Variants in BLTP1 observed in about 807,000 individuals in gnomAD.
BLTP1 encodes fragile site-associated protein.
chr4:122,263,420 C>T, the BLTP1 span: 3 of 1,568,940 alleles, frequency 1.9e-6, no homozygotes, highest in Non-Finnish European at 1.7e-6. Flanking sequence ...TAATATTATA[C>T]TCAGAAACAT....
the BLTP1 span, chr4:122,254,419 T>A: frequency 7.3e-7 from 1 of 1,378,148 alleles, no homozygotes; most frequent in Non-Finnish European, 9.9e-7. Flanking sequence ...TTCTGTTTCA[T>A]ATTTTTAAAA....
the BLTP1 span, among the ~76,000 whole-genome samples, chr4:122,275,289 A>G: frequency 6.6e-6 from 1 of 152,098 alleles, no homozygotes; most frequent in Admixed American, 6.6e-5. Flanking sequence ...AATTTTGGGA[A>G]CTGGAGTGGT....
chr4:122,220,114 C>A, the BLTP1 span, among the ~76,000 whole-genome samples: 1 of 152,084 alleles, frequency 6.6e-6, no homozygotes, highest in Non-Finnish European at 1.5e-5. Flanking sequence ...GGTGTGTGTC[C>A]GGGTTGCAGT....
At chr4:122,360,170 AGCATCACAGT>A in the BLTP1 span, 20 of 419,318 alleles carry the variant, frequency 4.8e-5, no homozygotes, top group Non-Finnish European at 6.4e-5. Flanking sequence ...TAAAACCTGC[AGCATCACAGT>A]GCCCCTCTCT....
the BLTP1 span, among the ~76,000 whole-genome samples, chr4:122,203,156 A>G: frequency 3.3e-5 from 5 of 151,982 alleles, no homozygotes; most frequent in Non-Finnish European, 7.4e-5. Flanking sequence ...TTGGAATTCT[A>G]TAGAAAAGAA....
the BLTP1 span, chr4:122,346,386 T>G: frequency 1.3e-5 from 11 of 857,326 alleles, no homozygotes; most frequent in Non-Finnish European, 1.5e-5. Flanking sequence ...AGAACTTCTC[T>G]GAGGATTTCA....
chr4:122,187,843 G>A, the BLTP1 span: 1 of 1,515,748 alleles, frequency 6.6e-7, no homozygotes, highest in South Asian at 1.3e-5. Context: ...AAGAAATATG[G>A]CCAGAATAGC....
the BLTP1 span, chr4:122,305,191 A>G: frequency 1.0e-6 from 1 of 983,548 alleles, no homozygotes; most frequent in Non-Finnish European, 1.2e-6. Flanking sequence ...GTGCAGATGC[A>G]CTCACATAAA....
the BLTP1 span, chr4:122,200,616 AAATACT>A: frequency 1.0e-6 from 1 of 984,144 alleles, no homozygotes; most frequent in African/African-American, 1.8e-5. Context: ...CAAACTGCAG[AAATACT>A]AATGTTACTT....
the BLTP1 span, chr4:122,210,988 G>C: frequency 1.2e-6 from 2 of 1,613,184 alleles, no homozygotes; most frequent in Non-Finnish European, 8.5e-7. Flanking sequence ...CCCACCTATT[G>C]ATCCCTCAGA....
At chr4:122,305,675 T>C in the BLTP1 span, 109 of 941,598 alleles carry the variant, frequency 1.2e-4, no homozygotes, top group Non-Finnish European at 1.4e-4. Context: ...TATCTATGAC[T>C]TCATATTTAC....
At chr4:122,210,221 G>A in the BLTP1 span, 1 of 176,548 alleles carries the variant, frequency 5.7e-6, no homozygotes, top group African/African-American at 2.4e-5. Context: ...GCTCAGAAAA[G>A]GTAAGTAATA....
chr4:122,247,355 C>A, the BLTP1 span: 1 of 1,612,998 alleles, frequency 6.2e-7, no homozygotes, highest in Non-Finnish European at 8.5e-7. Context: ...CTTGATACAA[C>A]AGGTAGGATT....
At chr4:122,224,790 G>T in the BLTP1 span, 3 of 1,582,376 alleles carry the variant, frequency 1.9e-6, no homozygotes, top group Non-Finnish European at 2.6e-6. Context: ...TCCACTGATG[G>T]CATTCTGATG....
the BLTP1 span, chr4:122,243,823 T>A: frequency 2.8e-6 from 4 of 1,448,116 alleles, no homozygotes; most frequent in Non-Finnish European, 3.6e-6. Flanking sequence ...ATGGTCTTTT[T>A]AATATACAAT....
the BLTP1 span, among the ~76,000 whole-genome samples, chr4:122,319,622 A>G: frequency 3.3e-5 from 5 of 150,512 alleles, no homozygotes; most frequent in South Asian, 4.2e-4. Flanking sequence ...GTGTACTGCA[A>G]CCACCACCTC....
the BLTP1 span, chr4:122,245,126 A>G: frequency 6.2e-7 from 1 of 1,609,514 alleles, no homozygotes; most frequent in Non-Finnish European, 8.5e-7. Context: ...TAGCAAGACT[A>G]CCTTTTCAGA....
At chr4:122,316,946 G>A in the BLTP1 span, 11 of 935,396 alleles carry the variant, frequency 1.2e-5, no homozygotes, top group African/African-American at 1.7e-5. Flanking sequence ...ACTGTATTTG[G>A]TCTAATACAA....
At chr4:122,318,985 A>G in the BLTP1 span, among the ~76,000 whole-genome samples, 5 of 152,160 alleles carry the variant, frequency 3.3e-5, no homozygotes, top group African/African-American at 7.2e-5. Flanking sequence ...GAATCGGTCT[A>G]TTTCATCTAG....
Sources: allele counts gnomAD v4.1 joint callset (sites outside exome capture counted in the v4.1 genomes callset), GRCh38; gene constraint gnomAD v4.1.1; transcripts MANE v1.5; gene names NCBI Gene and HGNC (gene_info 2026-07-23, HGNC 2026-07-21).